Variants in CLIC5 observed in about 807,000 individuals in gnomAD.
CLIC5 encodes CLIC family member 5, also known as chloride intracellular channel protein 5.
A neutral mutation model predicts 24.7 loss-of-function variants in CLIC5; 20 were observed. The ratio of observed to expected loss-of-function variants is 0.81; its 90% CI spans 0.57 to 1.18. CLIC5 has a LOEUF of 1.18. Ranked by LOEUF, CLIC5 falls within the 50% of genes most tolerant of loss-of-function variation. CLIC5 has a pLI of 0.00. For synonymous variants in CLIC5, 159 were observed against 135.6 expected (o/e 1.17, Z -1.20); for missense variants, 341 against 326.1 (o/e 1.05, Z -0.35).
the CLIC5 span, among the ~76,000 whole-genome samples, chr6:46,108,591 G>T: frequency 4.6e-5 from 7 of 152,140 alleles, no homozygotes; most frequent in East Asian, 1.4e-3. Context: ...TAGAGACAGG[G>T]TTTCACCATG....
chr6:46,019,248 A>G (rs1292866347), upstream of CLIC5, among the ~76,000 whole-genome samples: 2 of 152,226 alleles, frequency 1.3e-5, no homozygotes, highest in African/African-American at 4.8e-5. Context: ...AAGCACATAA[A>G]TTAAAAGCTG....
At chr6:46,063,839 A>G (rs1002981583) in intron 1 of CLIC5, among the ~76,000 whole-genome samples, 9 of 152,166 alleles carry the variant, frequency 5.9e-5, no homozygotes, top group Non-Finnish European at 1.0e-4. Flanking sequence ...TTCTGGACCC[A>G]CTTCTACAAA....
intron 1 of CLIC5, among the ~76,000 whole-genome samples, chr6:46,035,000 C>T (rs1268651108): frequency 1.3e-5 from 2 of 152,208 alleles, no homozygotes; most frequent in African/African-American, 4.8e-5. Flanking sequence ...TTATTGTCCT[C>T]AGCATTAAAT....
At chr6:46,002,601 G>T (rs567038615) in intron 1 of CLIC5, among the ~76,000 whole-genome samples, 12 of 152,284 alleles carry the variant, frequency 7.9e-5, no homozygotes, top group African/African-American at 2.9e-4. Context: ...CCCAGATAAT[G>T]TGTCAGCTGG....
At chr6:46,065,169 T>C (rs1052222320) in intron 1 of CLIC5, among the ~76,000 whole-genome samples, 2 of 152,136 alleles carry the variant, frequency 1.3e-5, no homozygotes, top group African/African-American at 4.8e-5. Context: ...CATGAAAAGA[T>C]GCTCAGCCTA....
At chr6:46,085,236 G>A (rs1193473923), upstream of CLIC5, among the ~76,000 whole-genome samples, 29 of 151,492 alleles carry the variant, frequency 1.9e-4, no homozygotes, top group African/African-American at 4.1e-4. Context: ...CCTATAGCTC[G>A]GAGTAGTTTG....
At chr6:45,987,118 C>T (rs1217304195) in intron 1 of CLIC5, among the ~76,000 whole-genome samples, 1 of 152,170 alleles carries the variant, frequency 6.6e-6, no homozygotes, top group Non-Finnish European at 1.5e-5. Flanking sequence ...GTGGACTTAA[C>T]CCAAGCATTT....
chr6:46,027,067 C>G (rs1180173414), intron 1 of CLIC5, among the ~76,000 whole-genome samples: 1 of 152,106 alleles, frequency 6.6e-6, no homozygotes, highest in Non-Finnish European at 1.5e-5. Context: ...TTGAATATAC[C>G]TTAGGGAATA....
At chr6:45,930,577 A>G (rs3798262) in intron 4 of CLIC5, among the ~76,000 whole-genome samples, 39,778 of 152,060 alleles carry the variant, frequency 0.26, 5,436 homozygotes, top group East Asian at 0.4. Flanking sequence ...TGAATAAATC[A>G]CATCAGCTGG....
At chr6:46,079,917 C>T (rs558570647) in exon 1 of CLIC5, 3 of 1,551,852 alleles carry the variant, frequency 1.9e-6, no homozygotes. Flanking sequence ...TGAATATAAC[C>T]CTTCCATTGA....
intron 5 of CLIC5, among the ~76,000 whole-genome samples, chr6:45,904,960 A>C (rs1762617159): frequency 6.6e-6 from 1 of 151,954 alleles, no homozygotes; most frequent in Non-Finnish European, 1.5e-5. Flanking sequence ...CCTACTTATA[A>C]GTGAGAACAT....
chr6:45,941,471 C>T (rs1322075780), intron 4 of CLIC5, 76 bp downstream of exon 4: 7 of 1,135,314 alleles, frequency 6.2e-6, no homozygotes, highest in Non-Finnish European at 9.4e-6. Context: ...TTTGACATGC[C>T]TATGGGCAAA....
intron 6 of CLIC5, among the ~76,000 whole-genome samples, chr6:45,885,678 G>T (rs1762299085): frequency 6.6e-6 from 1 of 152,196 alleles, no homozygotes; most frequent in Non-Finnish European, 1.5e-5. Flanking sequence ...GAAAAGGAAA[G>T]GCTGATTGAT....
the CLIC5 span, chr6:46,097,127 A>G: frequency 6.6e-6 from 1 of 152,232 alleles, no homozygotes; most frequent in Admixed American, 6.5e-5. Flanking sequence ...ATCGTTAATG[A>G]TATGTTGCTG....
chr6:46,059,992 T>A (rs910921197), intron 1 of CLIC5, among the ~76,000 whole-genome samples: 2 of 152,214 alleles, frequency 1.3e-5, no homozygotes, highest in African/African-American at 4.8e-5. Context: ...GATTTTTGTA[T>A]ATGGTGAGAG....
rs372251408 is a variant in CLIC5, at chr6:46,030,809, C to T, written c.540+48894G>A. ...TTAAAACTCATGCTCCCACAGCACC[C>T]TGTGCAAACCTCTACTCTTGCTCTA... On this transcript the variant is annotated intron_variant, in intron 1 of 5. Transcript: ENST00000185206. Among the ~76,000 whole-genome samples the T allele has an allele frequency of 6.6e-5, 10 of 152,340 alleles. No homozygotes were observed. The South Asian group carries it at 2.1e-3, about 32-fold the overall frequency.
At chr6:46,000,935 A>G (rs913651086) in intron 1 of CLIC5, among the ~76,000 whole-genome samples, 9 of 152,146 alleles carry the variant, frequency 5.9e-5, no homozygotes, top group African/African-American at 2.2e-4. Flanking sequence ...CCTCTTGTCA[A>G]CTAGGTGCAT....
intron 5 of CLIC5, among the ~76,000 whole-genome samples, chr6:45,911,137 C>T (rs1762804752): frequency 2.0e-5 from 3 of 152,256 alleles, no homozygotes; most frequent in Admixed American, 2.0e-4. Flanking sequence ...TTTAATAATT[C>T]CAACCTCTTC....
At chr6:46,039,125 C>T (rs1767739051) in intron 1 of CLIC5, among the ~76,000 whole-genome samples, 1 of 152,104 alleles carries the variant, frequency 6.6e-6, no homozygotes, top group African/African-American at 2.4e-5. Flanking sequence ...GATAACAAAA[C>T]TCTCTGTTCT....
Sources: allele counts gnomAD v4.1 joint callset (sites outside exome capture counted in the v4.1 genomes callset), GRCh38; gene constraint gnomAD v4.1.1; transcripts MANE v1.5; gene names NCBI Gene and HGNC (gene_info 2026-07-23, HGNC 2026-07-21).